Variants in HHAT observed in about 807,000 individuals in gnomAD.
The protein encoded by HHAT is protein-cysteine N-palmitoyltransferase HHAT.
Under a neutral mutation model 70.8 loss-of-function variants are expected in HHAT, and 47 were observed. That is an observed-to-expected ratio of 0.66 (90% CI 0.53 to 0.85). The LOEUF is 0.85. HHAT is among the 40% of genes least tolerant of loss of function. HHAT has a pLI of 0.00. For synonymous variants in HHAT, 228 were observed against 247.6 expected (o/e 0.92, Z 0.74); for missense variants, 609 against 604.8 (o/e 1.01, Z -0.07).
intron 10 of HHAT, among the ~76,000 whole-genome samples, chr1:210,597,210 G>C (rs1345303735): frequency 6.6e-6 from 1 of 152,184 alleles, no homozygotes; most frequent in Admixed American, 6.5e-5. Flanking sequence ...AAACTGCCTA[G>C]AGCTGGAGGT....
chr1:210,595,567 T>C (rs942817962), intron 10 of HHAT, among the ~76,000 whole-genome samples: 1 of 152,206 alleles, frequency 6.6e-6, no homozygotes, highest in Non-Finnish European at 1.5e-5. Flanking sequence ...GTTGAACTAG[T>C]TTACAGTCCC....
intron 8 of HHAT, among the ~76,000 whole-genome samples, chr1:210,507,830 A>C (rs528807951): frequency 5.3e-5 from 8 of 152,104 alleles, no homozygotes; most frequent in East Asian, 1.9e-4. Context: ...GTAAATTTCA[A>C]ATATTCTAAT....
At chr1:210,506,092 A>C (rs1220923039) in intron 8 of HHAT, among the ~76,000 whole-genome samples, 1 of 152,216 alleles carries the variant, frequency 6.6e-6, no homozygotes, top group Non-Finnish European at 1.5e-5. Context: ...GCTAGGTGAT[A>C]TACAAACCTC....
chr1:210,364,989 C>T (rs748959969), intron 3 of HHAT, among the ~76,000 whole-genome samples: 1 of 152,214 alleles, frequency 6.6e-6, no homozygotes, highest in African/African-American at 2.4e-5. Flanking sequence ...TCTCATCTCT[C>T]TACTTCTCAT....
At chr1:210,448,146 C>T (rs556798412) in intron 7 of HHAT, among the ~76,000 whole-genome samples, 4 of 148,960 alleles carry the variant, frequency 2.7e-5, no homozygotes, top group African/African-American at 9.9e-5. Flanking sequence ...GTAGCTCGAT[C>T]TCAGTACTCA....
intron 9 of HHAT, among the ~76,000 whole-genome samples, chr1:210,558,182 T>C (rs754034034): frequency 6.6e-6 from 1 of 152,210 alleles, no homozygotes; most frequent in Non-Finnish European, 1.5e-5. Flanking sequence ...CAGAGCCTTC[T>C]GCCAGAAGAT....
chr1:210,470,510 G>A (rs2094185327), intron 8 of HHAT, among the ~76,000 whole-genome samples: 1 of 152,024 alleles, frequency 6.6e-6, no homozygotes, highest in Admixed American at 6.6e-5. Context: ...TTCAAACATA[G>A]ACTTCCATAG....
At chr1:210,566,674 A>G (rs1413381310) in intron 9 of HHAT, among the ~76,000 whole-genome samples, 1 of 152,086 alleles carries the variant, frequency 6.6e-6, no homozygotes, top group East Asian at 1.9e-4. Flanking sequence ...ATCGGCCGCT[A>G]GATGGCCAGA....
chr1:210,376,818 A>G (rs1280424772), intron 3 of HHAT, among the ~76,000 whole-genome samples: 1 of 152,206 alleles, frequency 6.6e-6, no homozygotes, highest in Non-Finnish European at 1.5e-5. Context: ...GGCAGTGTGT[A>G]AAGTAGAAAG....
At chr1:210,656,808 T>TA (rs1489322712) in intron 11 of HHAT, among the ~76,000 whole-genome samples, 2 of 152,172 alleles carry the variant, frequency 1.3e-5, no homozygotes, top group Admixed American at 1.3e-4. Context: ...AGTGGGCCTC[T>TA]CCCTGTGATG....
intron 8 of HHAT, among the ~76,000 whole-genome samples, chr1:210,501,710 G>T (rs545196936): frequency 6.6e-6 from 1 of 152,144 alleles, no homozygotes; most frequent in Admixed American, 6.5e-5. Flanking sequence ...CTCATTGGGA[G>T]AACTGAATCA....
intron 7 of HHAT, chr1:210,439,521 C>T (rs2093456529): frequency 6.6e-6 from 1 of 151,822 alleles, no homozygotes; most frequent in Non-Finnish European, 1.5e-5. Context: ...TCTATTTAGT[C>T]TTCTTCCCTC....
At chr1:210,538,081 T>C (rs2095392370) in intron 9 of HHAT, among the ~76,000 whole-genome samples, 1 of 152,100 alleles carries the variant, frequency 6.6e-6, no homozygotes. Context: ...TTGTATTTTT[T>C]TTTTTTGCTT....
intron 9 of HHAT, among the ~76,000 whole-genome samples, chr1:210,574,829 A>G (rs1657272618): frequency 6.6e-6 from 1 of 152,220 alleles, no homozygotes; most frequent in Admixed American, 6.5e-5. Context: ...ACTTTCTTCT[A>G]GAGACTCCAA....
At chr1:210,328,860 G>A (rs563156187), upstream of HHAT, 7 of 456,248 alleles carry the variant, frequency 1.5e-5, no homozygotes, top group East Asian at 1.8e-4. Flanking sequence ...CCATCGCCCG[G>A]AGAGCGCCGC....
rs377267512 is a variant in HHAT, at chr1:210,464,666, G to A, written c.1007+11G>A. ...CACCGGGATGTGGAGGTCAGGCGCT[G>A]GGATTGCTAAAGTTGGTCAGGCATG... On this transcript the variant is annotated intron_variant, in intron 8 of 11. Coordinates refer to ENST00000261458, the MANE Select transcript of HHAT (RefSeq NM_018194.6). 102 of 1,613,900 alleles carry A rather than the reference G, an allele frequency of 6.3e-5. No individual in the cohort carries two copies. Among genetic ancestry groups the A allele is most frequent in the Non-Finnish European group, 8.4e-5 (99 of 1,180,002 alleles).
intron 11 of HHAT, among the ~76,000 whole-genome samples, chr1:210,664,143 T>G (rs1678390693): frequency 6.6e-6 from 1 of 152,252 alleles, no homozygotes; most frequent in Non-Finnish European, 1.5e-5. Flanking sequence ...TTGCTGTTGC[T>G]GTGTATCTTT....
intron 8 of HHAT, among the ~76,000 whole-genome samples, chr1:210,495,019 A>T (rs144204527): frequency 6.6e-6 from 1 of 152,204 alleles, no homozygotes; most frequent in East Asian, 1.9e-4. Flanking sequence ...GGGCATGAGT[A>T]CACAGAGGAG....
intron 7 of HHAT, among the ~76,000 whole-genome samples, chr1:210,432,007 AG>A (rs1470330179): frequency 2.0e-5 from 3 of 151,890 alleles, no homozygotes; most frequent in African/African-American, 7.3e-5. Context: ...CCCATTTTGC[AG>A]TCCTATTCTA....
Sources: allele counts gnomAD v4.1 joint callset (sites outside exome capture counted in the v4.1 genomes callset), GRCh38; gene constraint gnomAD v4.1.1; transcripts MANE v1.5; gene names NCBI Gene and HGNC (gene_info 2026-07-23, HGNC 2026-07-21).